The following ARHGAP35 variants were observed in gnomAD, a reference collection of about 807,000 sequenced individuals.
ARHGAP35 encodes rho GTPase-activating protein 35.
A neutral mutation model predicts 111.1 loss-of-function variants in ARHGAP35; 15 were observed. The observed-to-expected ratio is 0.13, with a 90% confidence interval of 0.09 to 0.21. ARHGAP35 has a LOEUF of 0.21. ARHGAP35 is among the 10% of genes least tolerant of loss of function. The probability of loss-of-function intolerance (pLI) is 1.00; values close to 1 mark genes in which losing one functional copy is unlikely to be tolerated. For missense variants in ARHGAP35, 1,262 were observed against 1,873.0 expected, an observed-to-expected ratio of 0.67 and a Z score of 6.02; for synonymous variants, 643 against 710.3, an observed-to-expected ratio of 0.91 and a Z score of 1.51.
At chr19:46,910,369 C>T (rs1440203091) in intron 1 of ARHGAP35, among the ~76,000 whole-genome samples, 2 of 152,060 alleles carry the variant, frequency 1.3e-5, no homozygotes, top group Non-Finnish European at 2.9e-5. Flanking sequence ...TGGCTCACTG[C>T]AACATCTGCC....
rs145625323 is a variant in ARHGAP35, at chr19:46,866,123, G to A, written c.-189+4914G>A. On this transcript the variant is annotated intron_variant, in intron 1 of 6. Coordinates refer to ENST00000672722, the MANE Select transcript of ARHGAP35 (RefSeq NM_004491.5). ...CCCAAAATGCAGAGATTACAGGCACGAGCTACTGCGCCTGGCCTGTTTTTC... is the reference window on the plus strand; with the variant it reads ...CCCAAAATGCAGAGATTACAGGCACAAGCTACTGCGCCTGGCCTGTTTTTC... Among the ~76,000 whole-genome samples, 47 of 152,306 alleles carry A rather than the reference G, an allele frequency of 3.1e-4. No homozygotes were observed. In the East Asian group the frequency reaches 8.5e-3, roughly 28 times the overall value.
In ARHGAP35 at chr19:47,001,522, C is replaced by A; in HGVS notation, c.*834C>A. On this transcript the variant is annotated 3_prime_UTR_variant, in exon 7 of 7. Transcript: ENST00000672722. The surrounding 1 kb of genome is among the most constrained non-coding windows in gnomAD (Gnocchi z 5.4). Reference sequence around the variant, plus strand: ...GAGCTGACCCTCGTCTTTGTGGCAGCAAAACCAGGATGCCTGGAGCTGTGG... The same window carrying A: ...GAGCTGACCCTCGTCTTTGTGGCAGAAAAACCAGGATGCCTGGAGCTGTGG... 1.3e-6 allele frequency: 1 copy of A among 764,748 alleles called. No homozygotes were observed. The highest frequency in any genetic ancestry group is 1.9e-6 in the Non-Finnish European group (1 of 538,332). The allele number at this position is 764,748 out of a possible 1,614,324, so 47.4% of individuals were successfully genotyped here.
intron 3 of ARHGAP35, among the ~76,000 whole-genome samples, chr19:46,978,437 C>T (rs757949511): frequency 2.0e-5 from 3 of 151,410 alleles, no homozygotes; most frequent in Admixed American, 6.6e-5. Flanking sequence ...GGAAAGGAAG[C>T]GGGTGTTTTG....
Position 47,001,468 on chromosome 19 carries a change from C to T in ARHGAP35, c.*780C>T. The T allele has an allele frequency of 8.5e-7, 1 of 1,176,696 alleles. No homozygotes were observed. The highest frequency in any genetic ancestry group is 2.4e-5 in the Admixed American group (1 of 41,958). The allele number at this position is 1,176,696 out of a possible 1,614,324, so 72.9% of individuals were successfully genotyped here. Reference sequence around the variant, plus strand: ...TCAAGATTCCACTCTGTGCCCGCCTCTGCCGGGAGGGAGGGAGGCACACAG... The same window carrying T: ...TCAAGATTCCACTCTGTGCCCGCCTTTGCCGGGAGGGAGGGAGGCACACAG... On this transcript the variant is annotated 3_prime_UTR_variant, in exon 7 of 7. Transcript: ENST00000672722. This position sits in a 1 kb window ranked among gnomAD's most constrained non-coding sequence, Gnocchi z 5.4.
chr19:46,899,023 T>C (rs1188050470), intron 1 of ARHGAP35, among the ~76,000 whole-genome samples: 1 of 152,156 alleles, frequency 6.6e-6, no homozygotes, highest in African/African-American at 2.4e-5. Flanking sequence ...AACCTAACTG[T>C]GGAAGCCAGC....
chr19:46,884,117 AAAAAG>A (rs1463713219), intron 1 of ARHGAP35, among the ~76,000 whole-genome samples: 1 of 152,154 alleles, frequency 6.6e-6, no homozygotes, highest in South Asian at 2.1e-4. Context: ...AGAGAATTTA[AAAAAG>A]AAAAATTATT....
At chr19:46,889,425 C>T (rs773054646) in intron 1 of ARHGAP35, among the ~76,000 whole-genome samples, 17 of 152,174 alleles carry the variant, frequency 1.1e-4, no homozygotes, top group Non-Finnish European at 1.9e-4. Context: ...CACCACTGCA[C>T]TCCAGCCTGG....
At position 46,926,852 on chromosome 19, in the gene ARHGAP35, G is replaced by GCT. The variant is rs1355876931; in HGVS notation, c.3681+4500_3681+4501dup. ...GTTGTTGTGGCTTTGTGTGGACACA[G>GCT]CTCTCATTTTGTGAGGCCTAGAATG... On this transcript the variant is annotated intron_variant, in intron 2 of 6. Coordinates refer to ENST00000672722, the MANE Select transcript of ARHGAP35 (RefSeq NM_004491.5). This position sits in a 1 kb window ranked among gnomAD's most constrained non-coding sequence, Gnocchi z 4.1. 6.6e-6 allele frequency among the ~76,000 whole-genome samples: 1 copy of GCT among 152,216 alleles called. No individual in the cohort carries two copies. The highest frequency in any genetic ancestry group is 1.5e-5 in the Non-Finnish European group (1 of 68,042).
At chr19:46,976,985 A>T (rs1311161180) in intron 3 of ARHGAP35, among the ~76,000 whole-genome samples, 1 of 152,000 alleles carries the variant, frequency 6.6e-6, no homozygotes, top group Non-Finnish European at 1.5e-5. Context: ...TTTCCTGTTC[A>T]TTTCACCAAA....
intron 2 of ARHGAP35, among the ~76,000 whole-genome samples, chr19:46,924,877 C>T (rs535559780): frequency 6.6e-6 from 1 of 152,324 alleles, no homozygotes; most frequent in East Asian, 1.9e-4. Flanking sequence ...TTAATACTTA[C>T]TGAAAATGAT....
chr19:46,904,351 AG>A (rs1453627570), intron 1 of ARHGAP35, among the ~76,000 whole-genome samples: 1 of 152,242 alleles, frequency 6.6e-6, no homozygotes, highest in African/African-American at 2.4e-5. Flanking sequence ...CATCTCAAGA[AG>A]AATCTTAGGA....
At chr19:46,943,391 C>T (rs182024849) in intron 3 of ARHGAP35, among the ~76,000 whole-genome samples, 97 of 152,212 alleles carry the variant, frequency 6.4e-4, no homozygotes, top group Non-Finnish European at 5.6e-4. Flanking sequence ...ACAGGGCACA[C>T]GTATGAATTG....
intron 3 of ARHGAP35, among the ~76,000 whole-genome samples, chr19:46,983,827 G>A (rs950470302): frequency 2.6e-5 from 4 of 151,958 alleles, no homozygotes; most frequent in Admixed American, 2.6e-4. Flanking sequence ...ATGTTAACCA[G>A]GATGGACTCG....
chr19:46,897,810 T>C (rs2056065249), intron 1 of ARHGAP35, among the ~76,000 whole-genome samples: 1 of 152,164 alleles, frequency 6.6e-6, no homozygotes, highest in Non-Finnish European at 1.5e-5. Context: ...TTGAACTTCT[T>C]CCACCTTCCC....
rs1322260803 is a variant in ARHGAP35 at position 46,919,946 on chromosome 19, G to A, written c.1271G>A (p.Arg424Lys). 4 of 1,613,868 alleles carry A rather than the reference G, an allele frequency of 2.5e-6. No individual in the cohort carries two copies. The highest frequency in any genetic ancestry group is 2.2e-5 in the East Asian group (1 of 44,898). Reference protein sequence around the residue: ...QLYEAHLEKLRNERKRVEMRR... With the variant: ...QLYEAHLEKLKNERKRVEMRR... ...TACGAGGCCCACTTAGAGAAGCTGA[G>A]GAACGAAAGGAAAAGAGTTGAGATG... Residue 424 changes from arginine to lysine, a missense_variant, in exon 2 of 7, where the codon AGG becomes AAG. Transcript: ENST00000672722. This position sits in a 1 kb window ranked among gnomAD's most constrained non-coding sequence, Gnocchi z 6.2.
At chr19:46,906,082 C>T (rs1188585939) in intron 1 of ARHGAP35, among the ~76,000 whole-genome samples, 1 of 151,766 alleles carries the variant, frequency 6.6e-6, no homozygotes, top group African/African-American at 2.4e-5. Context: ...TTTGGGAGGC[C>T]AAGGCAAGAG....
At chr19:46,978,888 G>A (rs1427653821) in intron 3 of ARHGAP35, among the ~76,000 whole-genome samples, 1 of 126,696 alleles carries the variant, frequency 7.9e-6, no homozygotes, top group African/African-American at 3.0e-5. Flanking sequence ...TTGTGTGTGT[G>A]GTGTGGGGGT....
Position 47,001,506 on chromosome 19 carries a change from C to G in ARHGAP35, c.*818C>G, listed in dbSNP as rs1399445667. 1.1e-6 allele frequency: 1 copy of G among 923,106 alleles called. No individual in the cohort carries two copies. The highest frequency in any genetic ancestry group is 2.8e-5 in the Admixed American group (1 of 35,378). The allele number at this position is 923,106 out of a possible 1,614,324, so 57.2% of individuals were successfully genotyped here. A position where few individuals can be genotyped will look rare whatever the true frequency, so the allele number is the denominator to read the frequency against. Reference sequence around the variant, plus strand: ...GGGAGGCACACAGGTGGAGCTGACCCTCGTCTTTGTGGCAGCAAAACCAGG... The same window carrying G: ...GGGAGGCACACAGGTGGAGCTGACCGTCGTCTTTGTGGCAGCAAAACCAGG... On this transcript the variant is annotated 3_prime_UTR_variant, in exon 7 of 7. Transcript: ENST00000672722. The surrounding 1 kb of genome is among the most constrained non-coding windows in gnomAD (Gnocchi z 5.4).
At chr19:46,910,315 G>A (rs1201713862) in intron 1 of ARHGAP35, among the ~76,000 whole-genome samples, 1 of 151,794 alleles carries the variant, frequency 6.6e-6, no homozygotes, top group Non-Finnish European at 1.5e-5. Context: ...TTTTGAGACA[G>A]AGTCTCACTC....
Sources: gnomAD v4.1 joint callset for allele counts (sites outside exome capture counted in the v4.1 genomes callset) on GRCh38, gnomAD v4.1.1 for gene constraint, Gnocchi (gnomAD v3.1) non-coding constraint, MANE v1.5 for transcripts, NCBI Gene and HGNC (gene_info 2026-07-23, HGNC 2026-07-21) for gene names.